Variants in VSIG1 observed in about 807,000 individuals in gnomAD.
VSIG1 encodes the protein V-set and immunoglobulin domain containing 1.
Under a neutral mutation model 20.1 loss-of-function variants are expected in VSIG1, and 11 were observed. That is an observed-to-expected ratio of 0.55 (90% CI 0.34 to 0.91). VSIG1 has a LOEUF of 0.91. Ranked by LOEUF, VSIG1 falls within the 40% of genes least tolerant of loss-of-function variation. The pLI is 0.02. For synonymous variants in VSIG1, 126 were observed against 116.7 expected (o/e 1.08, Z -0.52); for missense variants, 283 against 298.8 (o/e 0.95, Z 0.39).
chrX:108,031,533 C>T, the VSIG1 span, among the ~76,000 whole-genome samples: 1 of 111,699 alleles, frequency 9.0e-6, no homozygotes, highest in African/African-American at 3.3e-5. Flanking sequence ...GGAGATAACT[C>T]CTGCTCAGAT....
At chrX:108,018,909 C>T in the VSIG1 span, among the ~76,000 whole-genome samples, 5 of 111,479 alleles carry the variant, frequency 4.5e-5, no homozygotes, top group Admixed American at 1.9e-4. Context: ...GTGGTGGTAA[C>T]GGTGCACTGA....
the VSIG1 span, among the ~76,000 whole-genome samples, chrX:108,028,941 C>A: frequency 9.0e-6 from 1 of 111,306 alleles, no homozygotes; most frequent in Non-Finnish European, 1.9e-5. Context: ...GCTTGGGTAG[C>A]CATTCACAAA....
At chrX:108,044,210 C>T (rs1293597432), upstream of VSIG1, among the ~76,000 whole-genome samples, 1 of 111,395 alleles carries the variant, frequency 9.0e-6, no homozygotes, top group African/African-American at 3.3e-5. Context: ...TTAGAAATCA[C>T]ATGGGAAGAG....
intron 1 of VSIG1, among the ~76,000 whole-genome samples, chrX:108,054,500 C>T (rs933502248): frequency 9.0e-6 from 1 of 111,326 alleles, no homozygotes. Context: ...GAAAACTCCA[C>T]CCAACAACAG....
chrX:108,075,804 T>C (rs995360621), intron 5 of VSIG1, among the ~76,000 whole-genome samples: 3 of 111,301 alleles, frequency 2.7e-5, no homozygotes, highest in African/African-American at 6.5e-5. Flanking sequence ...CACAACTCCA[T>C]GGTGTCTCAA....
upstream of VSIG1, among the ~76,000 whole-genome samples, chrX:108,041,481 CT>C (rs1177026027): frequency 1.3e-4 from 14 of 109,812 alleles, no homozygotes; most frequent in African/African-American, 4.6e-4. Context: ...ATAAAAATAC[CT>C]TTTTTAAGGG....
At chrX:108,066,821 T>G (rs1490531899) in intron 2 of VSIG1, 115 bp from the exon 3 acceptor site, 7 of 695,023 alleles carry the variant, frequency 1.0e-5, no homozygotes, top group Non-Finnish European at 1.5e-5. Context: ...CTGTTCCTGG[T>G]GGGGGGAAGA....
intron 2 of VSIG1, among the ~76,000 whole-genome samples, chrX:108,058,922 AGGTGT>A (rs1424485395): frequency 9.4e-6 from 1 of 106,434 alleles, no homozygotes; most frequent in Non-Finnish European, 1.9e-5. Flanking sequence ...GTATACTCAA[AGGTGT>A]GTGTGTGTGT....
At chrX:108,039,275 C>T in the VSIG1 span, among the ~76,000 whole-genome samples, 10 of 112,165 alleles carry the variant, frequency 8.9e-5, no homozygotes, top group Non-Finnish European at 1.1e-4. Flanking sequence ...CTCCAATTCC[C>T]GGATTCAAGC....
chrX:108,053,738 A>G (rs776743223), intron 1 of VSIG1, among the ~76,000 whole-genome samples: 56 of 111,987 alleles, frequency 5.0e-4, no homozygotes, highest in Non-Finnish European at 8.3e-4. Flanking sequence ...GTACAGTATA[A>G]TAAGATATTT....
chrX:108,044,211 A>G (rs2030524331), upstream of VSIG1, among the ~76,000 whole-genome samples: 1 of 111,458 alleles, frequency 9.0e-6, no homozygotes. Flanking sequence ...TAGAAATCAC[A>G]TGGGAAGAGC....
the VSIG1 span, among the ~76,000 whole-genome samples, chrX:108,037,599 G>T: frequency 8.9e-6 from 1 of 112,243 alleles, no homozygotes; most frequent in Non-Finnish European, 1.9e-5. Context: ...CTTCATCAAA[G>T]GGTAATGATT....
the VSIG1 span, among the ~76,000 whole-genome samples, chrX:108,032,863 A>G: frequency 1.0e-3 from 112 of 111,703 alleles, no homozygotes; most frequent in African/African-American, 3.5e-3. Context: ...ACATACCCTC[A>G]CTGAATAATG....
At chrX:108,061,427 G>A (rs1400423674) in intron 2 of VSIG1, 1 of 1,164,118 alleles carries the variant, frequency 8.6e-7, no homozygotes, top group Admixed American at 2.6e-5. Context: ...CTCAAACACA[G>A]CACAGCTCGT....
upstream of VSIG1, among the ~76,000 whole-genome samples, chrX:108,042,030 A>T (rs2030489261): frequency 8.9e-6 from 1 of 111,778 alleles, no homozygotes; most frequent in Non-Finnish European, 1.9e-5. Flanking sequence ...TTAGTTTAAA[A>T]ATTATAAAGC....
intron 1 of VSIG1, among the ~76,000 whole-genome samples, chrX:108,047,989 T>TACAC (rs2030694170): frequency 1.4e-5 from 1 of 72,743 alleles, no homozygotes; most frequent in African/African-American, 5.7e-5. Context: ...TATATATATA[T>TACAC]ATATATATAT....
chrX:108,037,989 A>T, the VSIG1 span, among the ~76,000 whole-genome samples: 2 of 112,026 alleles, frequency 1.8e-5, no homozygotes, highest in Admixed American at 9.5e-5. Flanking sequence ...TTGGGCAAAG[A>T]TCTAGAGAAG....
intron 1 of VSIG1, among the ~76,000 whole-genome samples, chrX:108,052,094 T>C (rs1170452817): frequency 9.0e-6 from 1 of 111,179 alleles, no homozygotes; most frequent in Non-Finnish European, 1.9e-5. Flanking sequence ...TTGATAATAA[T>C]GTATGTGCAT....
intron 2 of VSIG1, among the ~76,000 whole-genome samples, chrX:108,061,958 A>T (rs1257789112): frequency 9.0e-6 from 1 of 110,632 alleles, no homozygotes; most frequent in Non-Finnish European, 1.9e-5. Context: ...GATATTCATT[A>T]GCATGGTCCT....
Sources: gnomAD v4.1 joint callset for allele counts (sites outside exome capture counted in the v4.1 genomes callset) on GRCh38, gnomAD v4.1.1 for gene constraint, MANE v1.5 for transcripts, NCBI Gene and HGNC (gene_info 2026-07-23, HGNC 2026-07-21) for gene names.